The following CPT1A variants were observed in gnomAD, a reference collection of about 807,000 sequenced individuals.
CPT1A encodes the protein carnitine O-palmitoyltransferase 1, liver isoform.
CPT1A carries 64 observed loss-of-function variants against 100.8 expected under a neutral mutation model. The ratio of observed to expected loss-of-function variants is 0.63; its 90% CI spans 0.52 to 0.78. CPT1A has a LOEUF of 0.78. CPT1A is among the 30% of genes least tolerant of loss of function. The pLI is 0.00. For missense variants in CPT1A, 802 were observed against 1,034.1 expected (o/e 0.78, Z 3.08); for synonymous variants, 363 against 396.0 (o/e 0.92, Z 0.99).
intron 1 of CPT1A, among the ~76,000 whole-genome samples, chr11:68,829,975 C>T (rs1239341056): frequency 6.6e-6 from 1 of 152,154 alleles, no homozygotes; most frequent in African/African-American, 2.4e-5. Context: ...TGGACACGAG[C>T]CCTGAAAGGC....
intron 1 of CPT1A, among the ~76,000 whole-genome samples, chr11:68,818,259 G>T (rs1856486823): frequency 6.6e-6 from 1 of 152,172 alleles, no homozygotes; most frequent in Admixed American, 6.5e-5. Context: ...TCGGGCTCCT[G>T]TCTTGAGCCA....
chr11:68,772,407 C>A (rs1855015680), intron 14 of CPT1A, among the ~76,000 whole-genome samples: 1 of 152,094 alleles, frequency 6.6e-6, no homozygotes, highest in African/African-American at 2.4e-5. Context: ...TGTGCTGCCC[C>A]CAGAAACCAA....
chr11:68,839,339 G>A (rs1857102804), intron 1 of CPT1A, among the ~76,000 whole-genome samples: 1 of 152,214 alleles, frequency 6.6e-6, no homozygotes, highest in Non-Finnish European at 1.5e-5. Flanking sequence ...AGCAACTGCG[G>A]CTTCGCGCCC....
At chr11:68,773,143 G>A (rs1855038387) in intron 14 of CPT1A, 122 bp downstream of exon 14, 5 of 1,529,600 alleles carry the variant, frequency 3.3e-6, no homozygotes, top group Non-Finnish European at 4.4e-6. Context: ...CCGGGGTCGG[G>A]GGGAGCTGTG....
intron 9 of CPT1A, among the ~76,000 whole-genome samples, chr11:68,791,340 G>T (rs533820151): frequency 3.9e-5 from 6 of 152,284 alleles, no homozygotes; most frequent in African/African-American, 1.4e-4. Context: ...TCCAATCAGG[G>T]AGACACTGTG....
rs117281136 is a variant in CPT1A, at chr11:68,827,956, A to G, written c.-13-12469T>C. Among the ~76,000 whole-genome samples the G allele has an allele frequency of 9.1e-4, 138 of 152,314 alleles. No homozygotes were observed. The East Asian group carries it at 0.024, about 26-fold the overall frequency. On this transcript the variant is annotated intron_variant, in intron 1 of 18. Transcript: ENST00000265641. ...TGCTCTTGTGTCCCTGCTGGGGCTC[A>G]GGGAACTTCTCTGTTCACTTTTTCA...
intron 10 of CPT1A, among the ~76,000 whole-genome samples, chr11:68,784,375 A>G (rs1855393946): frequency 6.6e-6 from 1 of 152,112 alleles, no homozygotes; most frequent in African/African-American, 2.4e-5. Flanking sequence ...AGCCTGGCCA[A>G]CATGGTGAAA....
chr11:68,811,133 C>T (rs1024122770), intron 3 of CPT1A, among the ~76,000 whole-genome samples: 1 of 152,146 alleles, frequency 6.6e-6, no homozygotes, highest in African/African-American at 2.4e-5. Context: ...TCCAGAGCTT[C>T]GTTTTTTAGC....
At chr11:68,769,308 C>T (rs1218693570) in intron 14 of CPT1A, among the ~76,000 whole-genome samples, 1 of 152,200 alleles carries the variant, frequency 6.6e-6, no homozygotes, top group Non-Finnish European at 1.5e-5. Context: ...ACGATCACGG[C>T]TCACTGCAGC....
At position 68,757,560 on chromosome 11, in the gene CPT1A, C is replaced by A. The variant is rs1051521469; in HGVS notation, c.*84G>T. 2 of 1,605,026 alleles carry A rather than the reference C, an allele frequency of 1.2e-6. No homozygotes were observed. Among genetic ancestry groups the A allele is most frequent in the African/African-American group, 1.3e-5 (1 of 74,482 alleles). On this transcript the variant is annotated 3_prime_UTR_variant, in exon 19 of 19. Coordinates refer to ENST00000265641, the MANE Select transcript of CPT1A (RefSeq NM_001876.4). ...TTTTTTTAAGAGCAGTGTTTCATCCCGAGCTAAGGTCAGGATTAATGCCTA... is the reference window on the plus strand; with the variant it reads ...TTTTTTTAAGAGCAGTGTTTCATCCAGAGCTAAGGTCAGGATTAATGCCTA...
At chr11:68,773,462 C>T (rs930050907) in intron 13 of CPT1A, 33 bp from the exon 14 acceptor site, 9 of 1,613,652 alleles carry the variant, frequency 5.6e-6, no homozygotes, top group East Asian at 2.2e-5. Context: ...TTTTACGGAA[C>T]GAGGGGAGAA....
intron 9 of CPT1A, among the ~76,000 whole-genome samples, chr11:68,791,076 G>T (rs757158451): frequency 1.3e-5 from 2 of 152,084 alleles, no homozygotes; most frequent in African/African-American, 2.4e-5. Context: ...CACCTGCCTT[G>T]GCCTCCCAAA....
At chr11:68,768,777 A>G (rs1854899467) in intron 14 of CPT1A, among the ~76,000 whole-genome samples, 1 of 152,120 alleles carries the variant, frequency 6.6e-6, no homozygotes, top group Non-Finnish European at 1.5e-5. Flanking sequence ...TTCATGGATC[A>G]TGTGCAGGGT....
At chr11:68,757,914 G>A (rs919516060) in intron 18 of CPT1A, among the ~76,000 whole-genome samples, 184 bp from the exon 19 acceptor site, 1 of 152,186 alleles carries the variant, frequency 6.6e-6, no homozygotes, top group African/African-American at 2.4e-5. Flanking sequence ...GTAAAGAGAT[G>A]ACAGCTGATG....
At chr11:68,832,311 T>A (rs901586702) in intron 1 of CPT1A, among the ~76,000 whole-genome samples, 1 of 152,122 alleles carries the variant, frequency 6.6e-6, no homozygotes, top group African/African-American at 2.4e-5. Flanking sequence ...TTAGCTGGGC[T>A]TGGTGGCATG....
In CPT1A at chr11:68,784,898, C is replaced by G; in HGVS notation, c.1080G>C (p.Glu360Asp). The change falls in exon 10 of 19, where the codon GAG becomes GAC. Residue 360 changes from glutamate (E) to aspartate (D), a missense_variant. By Grantham distance (45) the Glu-to-Asp change is conservative (BLOSUM62 2). This residue lies in a region of CPT1A where 627 missense variants were observed against 799.3 expected (regional missense o/e 0.78). Coordinates refer to ENST00000265641, the MANE Select transcript of CPT1A (RefSeq NM_001876.4). ...DGRLLKPREMEQQMQRILDNT... is the reference protein window; with the variant it reads ...DGRLLKPREMDQQMQRILDNT... ...TGTCCAGGATCCTCTGCATCTGCTG[C>G]TCCATCTCCCGGGGCTTCAGCAGCC... The G allele has an allele frequency of 6.2e-7, 1 of 1,614,116 alleles. No individual in the cohort carries two copies. Among genetic ancestry groups the G allele is most frequent in the Non-Finnish European group, 8.5e-7 (1 of 1,180,054 alleles).
At chr11:68,807,690 C>T in intron 3 of CPT1A, 52 bp from the exon 4 acceptor site, 1 of 1,570,770 alleles carries the variant, frequency 6.4e-7, no homozygotes, top group Non-Finnish European at 8.7e-7. Flanking sequence ...CACACGGTGC[C>T]ACCAACACCA....
At chr11:68,817,181 T>G (rs900806938) in intron 1 of CPT1A, among the ~76,000 whole-genome samples, 4 of 147,702 alleles carry the variant, frequency 2.7e-5, no homozygotes, top group Admixed American at 1.4e-4. Flanking sequence ...TGTGTGTGTG[T>G]GGGTGTGTGT....
chr11:68,780,487 T>A (rs563089581), intron 12 of CPT1A, among the ~76,000 whole-genome samples, 153 bp downstream of exon 12: 1 of 152,246 alleles, frequency 6.6e-6, no homozygotes, highest in Non-Finnish European at 1.5e-5. Flanking sequence ...TTTCACCATG[T>A]TGGCCAGGCT....
Sources: allele counts gnomAD v4.1 joint callset (sites outside exome capture counted in the v4.1 genomes callset), GRCh38; gene constraint gnomAD v4.1.1; regional missense constraint gnomAD v4.1.1; transcripts MANE v1.5; gene names NCBI Gene and HGNC (gene_info 2026-07-23, HGNC 2026-07-21).